Variants in IPO5 observed in about 807,000 individuals in gnomAD.
The protein encoded by IPO5 is importin-5.
A neutral mutation model predicts 143.3 loss-of-function variants in IPO5; 18 were observed. The observed-to-expected ratio is 0.13, with a 90% CI of 0.09 to 0.19. The LOEUF (loss-of-function observed/expected upper bound fraction) is 0.19, where lower values mean the gene tolerates loss of function less well. IPO5 is among the 10% of genes least tolerant of loss of function. The pLI, the probability that IPO5 is intolerant of heterozygous loss-of-function variation, is 1.00. For missense variants in IPO5, 1,013 were observed against 1,336.9 expected, an observed-to-expected ratio of 0.76 and a Z score of 3.78; for synonymous variants, 477 against 465.7, an observed-to-expected ratio of 1.02 and a Z score of -0.31.
chr13:97,982,573 C>T lies in IPO5; in HGVS notation c.161C>T (p.Ala54Val). The T allele has an allele frequency of 6.3e-7, 1 of 1,596,470 alleles. No individual in the cohort carries two copies. Among genetic ancestry groups the T allele is most frequent in the Non-Finnish European group, 8.6e-7 (1 of 1,164,100 alleles). Residue 54 changes from alanine (A) to valine (V), a missense_variant, in exon 5 of 29, where the codon GCT (alanine) becomes GTT (valine). Physicochemically the swap from Ala to Val is moderately conservative, Grantham distance 64. Coordinates refer to ENST00000651721, the MANE Select transcript of IPO5 (RefSeq NM_002271.6). ...TTACAAGCCATCAGAAATACAACAGCTGCTGAAGAGGTACTACCTTAATAT... is the reference window on the plus strand; with the variant it reads ...TTACAAGCCATCAGAAATACAACAGTTGCTGAAGAGGTACTACCTTAATAT... ...FLLQAIRNTT[A>V]AEEARQMAAV... is the part of the protein sequence containing the mutation.
At chr13:98,010,375 T>A in intron 20 of IPO5, 151 bp downstream of exon 20, 2 of 746,568 alleles carry the variant, frequency 2.7e-6, no homozygotes, top group South Asian at 2.0e-5. Context: ...AAAGAAATCG[T>A]ATGGATAAAC....
chr13:97,957,862 G>C (rs1175524172), intron 2 of IPO5, among the ~76,000 whole-genome samples: 7 of 151,960 alleles, frequency 4.6e-5, no homozygotes, highest in Non-Finnish European at 1.0e-4. Context: ...CCTGTCTTCT[G>C]TAATCCCAGC....
chr13:98,014,068 A>C lies in IPO5; in HGVS notation c.2179A>C (p.Met727Leu). The C allele has an allele frequency of 6.2e-7, 1 of 1,609,710 alleles. No homozygotes were observed. Among genetic ancestry groups the C allele is most frequent in the Non-Finnish European group, 8.5e-7 (1 of 1,178,996 alleles). ...TGTTCGAGTGGCAGCAGCGGAATCCATGCCTCTTCTCCTGGAGTGTGCAAG... is the reference window on the plus strand; with the variant it reads ...TGTTCGAGTGGCAGCAGCGGAATCCCTGCCTCTTCTCCTGGAGTGTGCAAG... ...DGVRVAAAES[M>L]PLLLECARVR... The change falls in exon 22 of 29, where the codon ATG (methionine) becomes CTG (leucine). Residue 727 changes from methionine to leucine, a missense_variant. Physicochemically the swap from Met to Leu is conservative, Grantham distance 15. Transcript: ENST00000651721.
Position 98,002,470 on chromosome 13 carries a change from A to T in IPO5, c.1112A>T (p.Asp371Val), listed in dbSNP as rs1418659781. The T allele has an allele frequency of 6.2e-7, 1 of 1,613,434 alleles. No individual in the cohort carries two copies. The highest frequency in any genetic ancestry group is 2.2e-5 in the East Asian group (1 of 44,876). Residue 371 changes from aspartate to valine, a missense_variant, in exon 14 of 29, where the codon GAC becomes GTC. Around this residue, in one of 2 missense-constraint regions of IPO5, gnomAD observed 685 missense variants for 994.9 expected, o/e 0.69. Transcript: ENST00000651721. ...EHIMQMLQNP[D>V]WKYRHAGLMA... ...CATCTGTAATTTTTTTCGGTAGCTG[A>T]CTGGAAATACCGGCATGCAGGATTG...
At position 98,009,913 on chromosome 13, in the gene IPO5, G is replaced by C; in HGVS notation, c.1833G>C (p.Met611Ile). 1 of 1,612,992 alleles carries C rather than the reference G, an allele frequency of 6.2e-7. No homozygotes were observed. The highest frequency in any genetic ancestry group is 8.5e-7 in the Non-Finnish European group (1 of 1,179,346). Residue 611 changes from methionine to isoleucine, a missense_variant, in exon 19 of 29, where the codon ATG (methionine) becomes ATC (isoleucine). By Grantham distance (10) the Met-to-Ile change is conservative. Coordinates refer to ENST00000651721, the MANE Select transcript of IPO5 (RefSeq NM_002271.6). The stretch of plus-strand genomic sequence containing the variant: ...ACATGATCTCAGCATGGGCCAGAAT[G>C]TGCAAAATCCTTGGAAAAGAATTTC... ...ISYMISAWAR[M>I]CKILGKEFQQ...
chr13:97,985,383 G>T, intron 5 of IPO5, 38 bp from the exon 6 acceptor site: 1 of 1,494,610 alleles, frequency 6.7e-7, no homozygotes, highest in South Asian at 1.1e-5. Context: ...ATCAATGGCA[G>T]AGTGAATCTA....
Position 98,024,160 on chromosome 13 carries a change from G to T in IPO5, c.*2338G>T, listed in dbSNP as rs1349122889. 6.6e-6 allele frequency: 1 copy of T among 152,160 alleles called. No homozygotes were observed. Among genetic ancestry groups the T allele is most frequent in the Non-Finnish European group, 1.5e-5 (1 of 68,032 alleles). The allele number at this position is 152,160 out of a possible 1,614,324, so 9.4% of individuals were successfully genotyped here. A position where few individuals can be genotyped will look rare whatever the true frequency, so the allele number is the denominator to read the frequency against. Reference sequence around the variant, plus strand: ...ACTCAATTTGGAGTATTTTTTAAATGCTGTATCTTTAAAGAAAAGTAAAAT... The same window carrying T: ...ACTCAATTTGGAGTATTTTTTAAATTCTGTATCTTTAAAGAAAAGTAAAAT... On this transcript the variant is annotated 3_prime_UTR_variant, in exon 29 of 29. Coordinates refer to ENST00000651721, the MANE Select transcript of IPO5 (RefSeq NM_002271.6).
At position 98,024,250 on chromosome 13, in the gene IPO5, G is replaced by A. The variant is rs1890648368; in HGVS notation, c.*2428G>A. On this transcript the variant is annotated 3_prime_UTR_variant, in exon 29 of 29. Transcript: ENST00000651721. ...CCTTATAACTCTGGAGTTGTAGTTTGACAGAACCATCAGTAAAGACATAAG... is the reference window on the plus strand; with the variant it reads ...CCTTATAACTCTGGAGTTGTAGTTTAACAGAACCATCAGTAAAGACATAAG... 6.6e-6 allele frequency: 1 copy of A among 152,180 alleles called. No homozygotes were observed. The highest frequency in any genetic ancestry group is 1.5e-5 in the Non-Finnish European group (1 of 68,026). The allele number at this position is 152,180 out of a possible 1,614,324, so 9.4% of individuals were successfully genotyped here.
At chr13:98,019,463 C>T in intron 26 of IPO5, 118 bp from the exon 27 acceptor site, 1 of 732,702 alleles carries the variant, frequency 1.4e-6, no homozygotes, top group South Asian at 1.9e-5. Flanking sequence ...CAACACTTCC[C>T]ATACACTTTA....
chr13:97,987,148 C>A, intron 6 of IPO5: 1 of 167,958 alleles, frequency 6.0e-6, no homozygotes. Context: ...GGCCTGGTTC[C>A]TGGTACAAGT....
intron 2 of IPO5, among the ~76,000 whole-genome samples, chr13:97,962,941 T>C (rs1885011268): frequency 6.6e-6 from 1 of 152,140 alleles, no homozygotes; most frequent in South Asian, 2.1e-4. Flanking sequence ...TGAGTTGATG[T>C]TGTAGTCTTG....
intron 9 of IPO5, among the ~76,000 whole-genome samples, chr13:97,991,619 C>T (rs921774256): frequency 2.0e-5 from 3 of 152,144 alleles, no homozygotes; most frequent in South Asian, 2.1e-4. Context: ...TACTCAAATG[C>T]GCATTTCCTT....
intron 7 of IPO5, among the ~76,000 whole-genome samples, chr13:97,989,737 A>G (rs1187936406): frequency 2.0e-5 from 3 of 152,202 alleles, no homozygotes; most frequent in African/African-American, 7.2e-5. Context: ...TGTCATATAT[A>G]TCTTTGTTTA....
chr13:98,021,878 C>A lies in IPO5; in HGVS notation c.*56C>A. 8.2e-7 allele frequency: 1 copy of A among 1,221,576 alleles called. No individual in the cohort carries two copies. The highest frequency in any genetic ancestry group is 1.2e-6 in the Non-Finnish European group (1 of 843,522). The allele number at this position is 1,221,576 out of a possible 1,614,324, so 75.7% of individuals were successfully genotyped here. A position where few individuals can be genotyped will look rare whatever the true frequency, so the allele number is the denominator to read the frequency against. ...ACTCCAAATAAACGCTTACCCTTTC[C>A]TTTAGGTTTCTTTGTTTTGTTTTTG... On this transcript the variant is annotated 3_prime_UTR_variant, in exon 29 of 29. Coordinates refer to ENST00000651721, the MANE Select transcript of IPO5 (RefSeq NM_002271.6).
rs563687732 is a variant in IPO5 at position 97,979,362 on chromosome 13, T to TA, written c.90+2580dup. On this transcript the variant is annotated intron_variant, in intron 4 of 28. Transcript: ENST00000651721. ...AAGAGACGTCAAAACTCTAAAAAGT[T>TA]AAAACTTTTTTCGTCGTATATGCCA... Among the ~76,000 whole-genome samples, 489 of 152,360 alleles carry TA rather than the reference T, an allele frequency of 3.2e-3. 2 individuals carry two copies. Among genetic ancestry groups the TA allele is most frequent in the African/African-American group, 0.011 (468 of 41,586 alleles).
intron 2 of IPO5, among the ~76,000 whole-genome samples, chr13:97,967,446 T>C (rs1056965213): frequency 2.6e-5 from 4 of 152,192 alleles, no homozygotes; most frequent in Non-Finnish European, 4.4e-5. Flanking sequence ...TTGCTTTCTT[T>C]CTTTCAGCTT....
At chr13:98,019,444 C>A in intron 26 of IPO5, 137 bp from the exon 27 acceptor site, 1 of 666,352 alleles carries the variant, frequency 1.5e-6, no homozygotes, top group Non-Finnish European at 2.6e-6. Context: ...AATGACATAG[C>A]CAAGAAGACA....
At chr13:97,967,005 C>T (rs1184871444) in intron 2 of IPO5, among the ~76,000 whole-genome samples, 3 of 152,036 alleles carry the variant, frequency 2.0e-5, no homozygotes, top group African/African-American at 7.2e-5. Flanking sequence ...CACTGCACTC[C>T]AGCCTGGGTG....
At chr13:97,954,523 C>T (rs1234078195) in intron 2 of IPO5, among the ~76,000 whole-genome samples, 2 of 151,928 alleles carry the variant, frequency 1.3e-5, no homozygotes, top group Admixed American at 1.3e-4. Flanking sequence ...CCTCAGAGGC[C>T]GAGTATATTT....
Sources: gnomAD v4.1 joint callset for allele counts (sites outside exome capture counted in the v4.1 genomes callset) on GRCh38, gnomAD v4.1.1 for gene constraint, gnomAD v4.1.1 regional missense constraint, MANE v1.5 for transcripts, NCBI Gene and HGNC (gene_info 2026-07-23, HGNC 2026-07-21) for gene names.